UBR2: variants seen among roughly 807,000 people sequenced by gnomAD.
UBR2 encodes ubiquitin protein ligase E3 component n-recognin 2.
In UBR2, 92 loss-of-function variants were observed where a neutral mutation model predicts 247.9. The observed-to-expected ratio is 0.37, with a 90% CI of 0.31 to 0.44. The LOEUF (loss-of-function observed/expected upper bound fraction) is 0.44. Among genes scored for constraint, UBR2 ranks in the 20% least tolerant of loss-of-function variants. The probability of loss-of-function intolerance (pLI) is 1.00; values close to 1 mark genes in which losing one functional copy is unlikely to be tolerated. For missense variants in UBR2, 1,613 were observed against 2,112.6 expected (o/e 0.76, Z 4.64); for synonymous variants, 672 against 693.5 (o/e 0.97, Z 0.49).
intron 2 of UBR2, among the ~76,000 whole-genome samples, chr6:42,590,561 A>G (rs1295649287): frequency 6.6e-6 from 1 of 152,260 alleles, no homozygotes; most frequent in Non-Finnish European, 1.5e-5. Context: ...AGAAAATTAA[A>G]GTAGCAGTTT....
intron 15 of UBR2, among the ~76,000 whole-genome samples, chr6:42,639,445 T>C (rs1329522030): frequency 1.3e-5 from 2 of 152,146 alleles, no homozygotes; most frequent in African/African-American, 4.8e-5. Context: ...ATAAAAAAAT[T>C]AGCTGGGCAT....
chr6:42,574,065 A>G lies in UBR2; in HGVS notation c.338+72A>G, dbSNP rs551340151. 2.8e-6 allele frequency: 4 copies of G among 1,410,974 alleles called. No homozygotes were observed. The South Asian group carries it at 4.9e-5, about 17-fold the overall frequency. The allele number at this position is 1,410,974 out of a possible 1,614,324, so 87.4% of individuals were successfully genotyped here. On this transcript the variant is annotated intron_variant, in intron 2 of 46. Coordinates refer to ENST00000372901, the MANE Select transcript of UBR2 (RefSeq NM_001363705.2). Reference sequence around the variant, plus strand: ...CCTCTTTTTTTCCCTGGAACTTTTGAGTTTTTGTTTAAAAATTATGAAATA... The same window carrying G: ...CCTCTTTTTTTCCCTGGAACTTTTGGGTTTTTGTTTAAAAATTATGAAATA...
chr6:42,659,940 C>A lies in UBR2; in HGVS notation c.3442+85C>A, dbSNP rs369688880. ...GGTGATACGTTGAGATTTTTTAAACCTAAAAATAACTCCATGGACTTGGAT... is the reference window on the plus strand; with the variant it reads ...GGTGATACGTTGAGATTTTTTAAACATAAAAATAACTCCATGGACTTGGAT... On this transcript the variant is annotated intron_variant, in intron 30 of 46. Transcript: ENST00000372901. This position sits in a 1 kb window ranked among gnomAD's most constrained non-coding sequence, Gnocchi z 4.3. 55 of 1,289,696 alleles carry A rather than the reference C, an allele frequency of 4.3e-5. No homozygotes were observed. The highest frequency in any genetic ancestry group is 4.2e-4 in the South Asian group (32 of 75,702). 79.9% of individuals were successfully genotyped at this position (1,289,696 alleles called of 1,614,324 possible). A position where few individuals can be genotyped will look rare whatever the true frequency, so the allele number is the denominator to read the frequency against.
At chr6:42,572,582 C>T (rs1436195057) in intron 1 of UBR2, among the ~76,000 whole-genome samples, 9 of 151,852 alleles carry the variant, frequency 5.9e-5, no homozygotes, top group Non-Finnish European at 8.8e-5. Context: ...AGGTTTGTTA[C>T]ATGAGTATAT....
At chr6:42,684,489 C>G (rs1213910448) in intron 43 of UBR2, among the ~76,000 whole-genome samples, 7 of 151,218 alleles carry the variant, frequency 4.6e-5, no homozygotes, top group Non-Finnish European at 1.0e-4. Context: ...GAGGCTGAGG[C>G]AGGAGAATAG....
intron 34 of UBR2, among the ~76,000 whole-genome samples, chr6:42,667,704 A>ATT (rs528646455): frequency 0.023 from 1,638 of 70,218 alleles, 38 homozygotes; most frequent in African/African-American, 0.06. Context: ...TTTTCTATGT[A>ATT]TTTTTTTTTT....
chr6:42,633,001 T>C, intron 13 of UBR2, 97 bp downstream of exon 13: 2 of 824,320 alleles, frequency 2.4e-6, no homozygotes, highest in East Asian at 5.9e-5. Flanking sequence ...TTTTAAGAGA[T>C]GGGGGTCTCA....
intron 26 of UBR2, among the ~76,000 whole-genome samples, chr6:42,657,525 T>C (rs1797512585): frequency 6.6e-6 from 1 of 152,196 alleles, no homozygotes; most frequent in Admixed American, 6.5e-5. Flanking sequence ...AAATCAATAG[T>C]TGAACTTTCT....
At chr6:42,672,055 T>A (rs1326634899) in intron 36 of UBR2, among the ~76,000 whole-genome samples, 1 of 151,722 alleles carries the variant, frequency 6.6e-6, no homozygotes, top group Non-Finnish European at 1.5e-5. Context: ...TTTTTTGAGA[T>A]GGAGTCTCAC....
At position 42,692,311 on chromosome 6, in the gene UBR2, CA is replaced by C. The variant is rs1385732342; in HGVS notation, c.*1140del. On this transcript the variant is annotated 3_prime_UTR_variant, in exon 47 of 47. Coordinates refer to ENST00000372901, the MANE Select transcript of UBR2 (RefSeq NM_001363705.2). Reference sequence around the variant, plus strand: ...CCCAGCCAGCATTTCCTGGAACAGACAAGCTGCTGCTTCCTTGCTGGCTCAC... The same window carrying C: ...CCCAGCCAGCATTTCCTGGAACAGACAGCTGCTGCTTCCTTGCTGGCTCAC... The C allele has an allele frequency of 2.6e-5, 4 of 152,222 alleles. No individual in the cohort carries two copies. Among genetic ancestry groups the C allele is most frequent in the Admixed American group, 1.3e-4 (2 of 15,276 alleles). 9.4% of individuals were successfully genotyped at this position (152,222 alleles called of 1,614,324 possible).
intron 38 of UBR2, among the ~76,000 whole-genome samples, chr6:42,674,456 G>A (rs930241345): frequency 6.6e-6 from 1 of 152,190 alleles, no homozygotes; most frequent in African/African-American, 2.4e-5. Context: ...CTTTTAACCT[G>A]TAAAGAGATA....
rs140733318 is a variant in UBR2, at chr6:42,663,354, C to A, written c.3633C>A (p.Pro1211=). 5 of 1,613,526 alleles carry A rather than the reference C, an allele frequency of 3.1e-6. No homozygotes were observed. The highest frequency in any genetic ancestry group is 4.2e-6 in the Non-Finnish European group (5 of 1,179,788). The stretch of plus-strand genomic sequence containing the variant: ...TAGAAAACGGAGAATTCCTTTGCCC[C>A]CTTTGTGAATGCTTGAGTAATACTG... ...YDVENGEFLC[P]LCECLSNTVI... is the part of the protein sequence containing the mutation. The change falls in exon 32 of 47, where the codon CCC becomes CCA. Residue 1211 remains proline (P), a synonymous_variant. Transcript: ENST00000372901.
intron 33 of UBR2, 34 bp downstream of exon 33, chr6:42,665,546 A>G (rs766811465): frequency 1.1e-5 from 16 of 1,503,890 alleles, no homozygotes; most frequent in South Asian, 4.7e-5. Flanking sequence ...ATTTTTCCCT[A>G]AAGTCCGAGG....
chr6:42,662,959 A>C (rs1797903548), intron 31 of UBR2, among the ~76,000 whole-genome samples: 1 of 152,078 alleles, frequency 6.6e-6, no homozygotes, highest in Non-Finnish European at 1.5e-5. Context: ...CAACAAAAAA[A>C]AAACAAATAG....
intron 8 of UBR2, among the ~76,000 whole-genome samples, chr6:42,613,533 G>A (rs1016289052): frequency 1.3e-5 from 2 of 151,900 alleles, no homozygotes; most frequent in African/African-American, 4.8e-5. Flanking sequence ...GACCAGCCTG[G>A]GTAATATAGG....
At chr6:42,658,189 G>C in intron 27 of UBR2, 51 bp from the exon 28 acceptor site, 1 of 1,609,218 alleles carries the variant, frequency 6.2e-7, no homozygotes, top group Non-Finnish European at 8.5e-7. Context: ...TTTGTTATGT[G>C]TACATTGTGA....
At chr6:42,614,375 T>TACATAC (rs70990112) in intron 8 of UBR2, among the ~76,000 whole-genome samples, 16 of 69,752 alleles carry the variant, frequency 2.3e-4, no homozygotes, top group African/African-American at 2.7e-4. Flanking sequence ...TGTGTATGTG[T>TACATAC]GTATATATGT....
At chr6:42,619,412 C>CACATAT (rs1226489376) in intron 11 of UBR2, 7 of 28,424 alleles carry the variant, frequency 2.5e-4, no homozygotes, top group African/African-American at 8.7e-4. Context: ...TCGTTATGAA[C>CACATAT]ATATATATAT....
chr6:42,600,666 A>G (rs1251282578), intron 4 of UBR2, among the ~76,000 whole-genome samples: 2 of 149,428 alleles, frequency 1.3e-5, no homozygotes, highest in African/African-American at 2.5e-5. Context: ...TGGTGTTCCA[A>G]TATGGAATGT....
Sources: allele counts gnomAD v4.1 joint callset (sites outside exome capture counted in the v4.1 genomes callset), GRCh38; gene constraint gnomAD v4.1.1; non-coding constraint Gnocchi (gnomAD v3.1); transcripts MANE v1.5; gene names NCBI Gene and HGNC (gene_info 2026-07-23, HGNC 2026-07-21).